NAP1L4: variants seen among roughly 807,000 people sequenced by gnomAD.
NAP1L4 encodes nucleosome assembly protein 1 like 4.
Under a neutral mutation model 58.2 loss-of-function variants are expected in NAP1L4, and 15 were observed. The ratio of observed to expected loss-of-function variants is 0.26; its 90% CI spans 0.17 to 0.40. The LOEUF is 0.40. NAP1L4 is among the 10% of genes least tolerant of loss of function. The probability of loss-of-function intolerance (pLI) is 1.00; values close to 1 mark genes in which losing one functional copy is unlikely to be tolerated. For synonymous variants in NAP1L4, 171 were observed against 155.6 expected (o/e 1.10, Z -0.74); for missense variants, 384 against 451.1 (o/e 0.85, Z 1.35).
At chr11:2,956,832 C>A (rs943437565) in intron 10 of NAP1L4, among the ~76,000 whole-genome samples, 1 of 152,234 alleles carries the variant, frequency 6.6e-6, no homozygotes. Context: ...GCCTCCTTCA[C>A]TTCACACCAC....
chr11:2,952,039 C>G, intron 12 of NAP1L4: 1 of 605,702 alleles, frequency 1.7e-6, no homozygotes, highest in Admixed American at 2.8e-5. Context: ...GGATAGGAAG[C>G]TGGTCAGCCA....
intron 1 of NAP1L4, among the ~76,000 whole-genome samples, chr11:2,986,592 C>T (rs79179256): frequency 0.012 from 1,790 of 151,526 alleles, 15 homozygotes; most frequent in Non-Finnish European, 0.019. Context: ...CCTTACAAAT[C>T]CTATATATCC....
chr11:2,963,208 T>C (rs1590234737), intron 8 of NAP1L4, among the ~76,000 whole-genome samples: 1 of 149,988 alleles, frequency 6.7e-6, no homozygotes, highest in South Asian at 2.1e-4. Flanking sequence ...TAATTGCGTC[T>C]GGATGAATCA....
intron 7 of NAP1L4, 60 bp from the exon 8 acceptor site, chr11:2,964,811 G>T: frequency 1.6e-6 from 2 of 1,281,572 alleles, no homozygotes; most frequent in Non-Finnish European, 2.2e-6. Context: ...CATCTCTCCC[G>T]AAGAGTCATG....
intron 7 of NAP1L4, among the ~76,000 whole-genome samples, chr11:2,965,045 C>T (rs1847181037): frequency 6.6e-6 from 1 of 152,224 alleles, no homozygotes; most frequent in Admixed American, 6.5e-5. Flanking sequence ...GGGCAAGGGC[C>T]TTCACTGCTT....
chr11:2,979,852 G>T (rs1051926655), intron 1 of NAP1L4, among the ~76,000 whole-genome samples: 5 of 152,094 alleles, frequency 3.3e-5, no homozygotes, highest in African/African-American at 9.6e-5. Context: ...ATTCTAATTT[G>T]CCTTATTTTT....
In NAP1L4 at chr11:2,948,909, C is replaced by T. The variant is rs972819414; in HGVS notation, c.*32+318G>A. ...GCAAGGACTGCTTGCTTATGGTGGC[C>T]CGTGTGTGCCACCGTGCAGACTGCT... On this transcript the variant is annotated intron_variant, in intron 15 of 15. Coordinates refer to ENST00000380542, the MANE Select transcript of NAP1L4 (RefSeq NM_005969.4). This position sits in a 1 kb window ranked among gnomAD's most constrained non-coding sequence, Gnocchi z 5.1. 1.3e-5 allele frequency among the ~76,000 whole-genome samples: 2 copies of T among 152,170 alleles called. No homozygotes were observed. The highest frequency in any genetic ancestry group is 2.9e-5 in the Non-Finnish European group (2 of 68,030).
rs1207385775 is a variant in NAP1L4 at position 2,945,458 on chromosome 11, A to C, written c.*221T>G. ...ACAAGTTAAGCAAAATAATAAGGAA[A>C]AAGGAAAAGTGAAAGTGAAAATCAT... On this transcript the variant is annotated 3_prime_UTR_variant, in exon 16 of 16. Coordinates refer to ENST00000380542, the MANE Select transcript of NAP1L4 (RefSeq NM_005969.4). 2 of 694,034 alleles carry C rather than the reference A, an allele frequency of 2.9e-6. No homozygotes were observed. The highest frequency in any genetic ancestry group is 4.7e-6 in the Non-Finnish European group (2 of 426,968). 43.0% of individuals were successfully genotyped at this position (694,034 alleles called of 1,614,324 possible).
At chr11:2,966,986 C>A (rs1454824559) in intron 7 of NAP1L4, among the ~76,000 whole-genome samples, 1 of 152,230 alleles carries the variant, frequency 6.6e-6, no homozygotes, top group Non-Finnish European at 1.5e-5. Flanking sequence ...ACACTGGAGG[C>A]ATCGCACTCA....
Position 2,946,959 on chromosome 11 carries a change from C to T in NAP1L4, c.*33-1313G>A, listed in dbSNP as rs900221767. ...AGTGGGACAAGCAGTGTGCCTCCAC[C>T]AAGGGACTCGCCTAGAAAATGGGAT... On this transcript the variant is annotated intron_variant, in intron 15 of 15. Coordinates refer to ENST00000380542, the MANE Select transcript of NAP1L4 (RefSeq NM_005969.4). The surrounding 1 kb of genome is among the most constrained non-coding windows in gnomAD (Gnocchi z 4.8). 3.9e-5 allele frequency among the ~76,000 whole-genome samples: 6 copies of T among 152,142 alleles called. No homozygotes were observed. Among genetic ancestry groups the T allele is most frequent in the Admixed American group, 1.3e-4 (2 of 15,280 alleles).
chr11:2,983,380 C>T (rs992561412), intron 1 of NAP1L4, among the ~76,000 whole-genome samples: 1 of 152,138 alleles, frequency 6.6e-6, no homozygotes, highest in Non-Finnish European at 1.5e-5. Flanking sequence ...GACACACAGT[C>T]TCACTCTGTT....
intron 3 of NAP1L4, among the ~76,000 whole-genome samples, chr11:2,977,160 T>G (rs1269708401): frequency 6.6e-6 from 1 of 152,238 alleles, no homozygotes; most frequent in East Asian, 1.9e-4. Flanking sequence ...AAATACTACA[T>G]GCATATACAA....
Position 2,951,386 on chromosome 11 carries a change from C to T in NAP1L4, c.1066-71G>A, listed in dbSNP as rs1846220353. On this transcript the variant is annotated intron_variant, in intron 13 of 15. Coordinates refer to ENST00000380542, the MANE Select transcript of NAP1L4 (RefSeq NM_005969.4). This position sits in a 1 kb window ranked among gnomAD's most constrained non-coding sequence, Gnocchi z 4.0. The stretch of plus-strand genomic sequence containing the variant: ...TCTTGTGGCATTCACAATCCACAAA[C>T]ACAAGGAGCAAAACACTGCCTTAGA... 2.2e-6 allele frequency: 3 copies of T among 1,353,390 alleles called. No homozygotes were observed. Among genetic ancestry groups the T allele is most frequent in the South Asian group, 2.3e-5 (2 of 85,196 alleles). 83.8% of individuals were successfully genotyped at this position (1,353,390 alleles called of 1,614,324 possible).
intron 1 of NAP1L4, among the ~76,000 whole-genome samples, chr11:2,987,401 TC>T (rs1848694973): frequency 6.6e-6 from 1 of 150,840 alleles, no homozygotes; most frequent in African/African-American, 2.4e-5. Context: ...CACCTCAGCT[TC>T]CCCCAAAGTG....
In NAP1L4 at chr11:2,948,262, G is replaced by A. The variant is rs1378048023; in HGVS notation, c.*32+965C>T. 3.3e-5 allele frequency among the ~76,000 whole-genome samples: 5 copies of A among 152,190 alleles called. No individual in the cohort carries two copies. In the East Asian group the frequency reaches 7.7e-4, roughly 23 times the overall value. ...AGTTTCCCATGAAAGCAGCCTACAT[G>A]AGGAAGACAGGGAGGCGGTGGCGCT... On this transcript the variant is annotated intron_variant, in intron 15 of 15. Coordinates refer to ENST00000380542, the MANE Select transcript of NAP1L4 (RefSeq NM_005969.4). This position sits in a 1 kb window ranked among gnomAD's most constrained non-coding sequence, Gnocchi z 5.1.
intron 3 of NAP1L4, 88 bp downstream of exon 3, chr11:2,978,196 G>T: frequency 7.8e-7 from 1 of 1,289,148 alleles, no homozygotes; most frequent in Admixed American, 2.1e-5. Context: ...CTGCAGTACA[G>T]GAATCCTTTA....
chr11:2,953,366 T>C (rs117267915), intron 12 of NAP1L4, among the ~76,000 whole-genome samples: 4,031 of 152,366 alleles, frequency 0.026, 75 homozygotes, highest in Non-Finnish European at 0.044. Flanking sequence ...CACTAGCCCT[T>C]AGCTCACTAT....
chr11:2,963,234 TACAAAGAAAA>T (rs1342130721), intron 8 of NAP1L4, among the ~76,000 whole-genome samples: 1 of 145,780 alleles, frequency 6.9e-6, no homozygotes, highest in Admixed American at 6.8e-5. Flanking sequence ...AAGAAAGAAG[TACAAAGAAAA>T]AACGCACAGA....
At chr11:2,970,134 C>T (rs926220302) in intron 6 of NAP1L4, among the ~76,000 whole-genome samples, 200 bp from the exon 7 acceptor site, 1 of 152,156 alleles carries the variant, frequency 6.6e-6, no homozygotes, top group South Asian at 2.1e-4. Context: ...GTCATTACAT[C>T]CACACGGAAT....
Sources: allele counts gnomAD v4.1 joint callset (sites outside exome capture counted in the v4.1 genomes callset), GRCh38; gene constraint gnomAD v4.1.1; non-coding constraint Gnocchi (gnomAD v3.1); transcripts MANE v1.5; gene names NCBI Gene and HGNC (gene_info 2026-07-23, HGNC 2026-07-21).